The following MARCHF8 variants were observed in gnomAD, a reference collection of about 807,000 sequenced individuals.
The protein encoded by MARCHF8 is membrane associated ring-CH-type finger 8, also known as E3 ubiquitin-protein ligase MARCHF8.
In MARCHF8, 40 loss-of-function variants were observed where a neutral mutation model predicts 51.6. The observed-to-expected ratio is 0.77, with a 90% CI of 0.60 to 1.01. The LOEUF is 1.01. Ranked by LOEUF, MARCHF8 falls within the 50% of genes least tolerant of loss-of-function variation. The pLI is 0.00. For synonymous variants in MARCHF8, 263 were observed against 280.3 expected, an observed-to-expected ratio of 0.94 and a Z score of 0.62; for missense variants, 685 against 708.6, an observed-to-expected ratio of 0.97 and a Z score of 0.38.
intron 1 of MARCHF8, among the ~76,000 whole-genome samples, chr10:45,569,597 A>C (rs973621162): frequency 6.6e-6 from 1 of 152,162 alleles, no homozygotes; most frequent in Non-Finnish European, 1.5e-5. Flanking sequence ...CTTGTTTTTC[A>C]AAGTATGAGA....
At chr10:45,505,855 TG>T (rs1345777844) in intron 2 of MARCHF8, among the ~76,000 whole-genome samples, 2 of 152,264 alleles carry the variant, frequency 1.3e-5, no homozygotes, top group Non-Finnish European at 2.9e-5. Context: ...TCATGCTCAC[TG>T]GGAAGAGAGC....
intron 1 of MARCHF8, among the ~76,000 whole-genome samples, chr10:45,577,625 A>G (rs2044505157): frequency 6.6e-6 from 1 of 151,584 alleles, no homozygotes; most frequent in Non-Finnish European, 1.5e-5. Context: ...CTCACCAGAG[A>G]ATGAATGCTG....
chr10:45,485,403 C>G lies in MARCHF8; in HGVS notation c.153+3964G>C, dbSNP rs148435612. 2.3e-3 allele frequency among the ~76,000 whole-genome samples: 344 copies of G among 152,296 alleles called. 2 individuals are homozygous for G. Among genetic ancestry groups the G allele is most frequent in the Non-Finnish European group, 3.8e-3 (261 of 68,018 alleles). On this transcript the variant is annotated intron_variant, in intron 3 of 7. Coordinates refer to ENST00000453424, the MANE Select transcript of MARCHF8 (RefSeq NM_001282866.2). ...ACAAATGATATCCATTAACATTGTA[C>G]TATCAATACAAAATAAGTATTGGGT...
At chr10:45,481,704 A>G (rs560601682) in intron 3 of MARCHF8, among the ~76,000 whole-genome samples, 1 of 151,810 alleles carries the variant, frequency 6.6e-6, no homozygotes, top group South Asian at 2.1e-4. Flanking sequence ...AGTTCATTAA[A>G]CCTCTTTTTC....
intron 1 of MARCHF8, among the ~76,000 whole-genome samples, chr10:45,592,391 T>C (rs1013938028): frequency 1.1e-4 from 17 of 152,130 alleles, no homozygotes; most frequent in African/African-American, 3.4e-4. Flanking sequence ...ATCAGAACAG[T>C]CCACGGCTTT....
intron 3 of MARCHF8, among the ~76,000 whole-genome samples, chr10:45,482,853 CT>C (rs1246287296): frequency 6.6e-6 from 1 of 152,182 alleles, no homozygotes; most frequent in African/African-American, 2.4e-5. Context: ...TTACTGCGAA[CT>C]GATTTTCAAC....
At chr10:45,540,326 CAA>C (rs1200757033), upstream of MARCHF8, among the ~76,000 whole-genome samples, 1 of 152,230 alleles carries the variant, frequency 6.6e-6, no homozygotes, top group East Asian at 1.9e-4. Context: ...CCACAGTAAC[CAA>C]AACAGCATGG....
At chr10:45,524,185 T>G (rs1369072144) in intron 2 of MARCHF8, among the ~76,000 whole-genome samples, 1 of 152,188 alleles carries the variant, frequency 6.6e-6, no homozygotes, top group African/African-American at 2.4e-5. Flanking sequence ...TTTTAATCTC[T>G]AGAAAAACAT....
At chr10:45,581,976 T>C (rs2044560875) in intron 1 of MARCHF8, among the ~76,000 whole-genome samples, 1 of 151,510 alleles carries the variant, frequency 6.6e-6, no homozygotes, top group East Asian at 1.9e-4. Context: ...CAAAAAAGTA[T>C]ATGAATCATC....
At chr10:45,465,974 A>G (rs10900218) in intron 3 of MARCHF8, among the ~76,000 whole-genome samples, 39,793 of 152,088 alleles carry the variant, frequency 0.26, 5,434 homozygotes, top group African/African-American at 0.33. Flanking sequence ...AACAAAATGA[A>G]AGACATCTAG....
chr10:45,499,546 T>G (rs1394135542), intron 2 of MARCHF8, among the ~76,000 whole-genome samples: 1 of 152,204 alleles, frequency 6.6e-6, no homozygotes, highest in African/African-American at 2.4e-5. Flanking sequence ...CTAGGTTTTC[T>G]TTTAAGAATT....
At chr10:45,481,120 G>C (rs1475038963) in intron 3 of MARCHF8, among the ~76,000 whole-genome samples, 1 of 152,228 alleles carries the variant, frequency 6.6e-6, no homozygotes, top group East Asian at 1.9e-4. Flanking sequence ...CTGACCCATT[G>C]GATTGTGGAC....
chr10:45,485,359 C>A (rs1321374214), intron 3 of MARCHF8, among the ~76,000 whole-genome samples: 3 of 152,138 alleles, frequency 2.0e-5, no homozygotes, highest in African/African-American at 7.2e-5. Flanking sequence ...TCATGAAATC[C>A]CTTGGTAACA....
intron 1 of MARCHF8, among the ~76,000 whole-genome samples, chr10:45,556,180 G>A (rs1589174391): frequency 6.6e-6 from 1 of 152,204 alleles, no homozygotes; most frequent in East Asian, 1.9e-4. Context: ...AGAAAATAAG[G>A]AAAACCTATA....
chr10:45,536,207 T>C (rs1052113081), upstream of MARCHF8, among the ~76,000 whole-genome samples: 10 of 152,096 alleles, frequency 6.6e-5, no homozygotes, highest in African/African-American at 2.4e-4. Context: ...TATGAATAGA[T>C]ATATCAATGG....
chr10:45,509,721 G>C (rs185097803), intron 2 of MARCHF8, among the ~76,000 whole-genome samples: 14 of 152,314 alleles, frequency 9.2e-5, no homozygotes, highest in Admixed American at 5.2e-4. Context: ...TTGCAGGTGA[G>C]TAAGAAAAGC....
chr10:45,565,104 A>G (rs1476631349), intron 1 of MARCHF8, among the ~76,000 whole-genome samples: 1 of 152,152 alleles, frequency 6.6e-6, no homozygotes, highest in East Asian at 1.9e-4. Flanking sequence ...TGAAAGCAAT[A>G]ACAACACTGT....
chr10:45,561,750 A>G (rs1021762168), intron 1 of MARCHF8, among the ~76,000 whole-genome samples: 5 of 150,784 alleles, frequency 3.3e-5, no homozygotes, highest in Admixed American at 2.0e-4. Context: ...AAATACAAAA[A>G]ATTAGCAGGG....
chr10:45,550,010 A>T (rs763068771), intron 1 of MARCHF8, among the ~76,000 whole-genome samples: 18 of 152,220 alleles, frequency 1.2e-4, no homozygotes, highest in Non-Finnish European at 2.2e-4. Context: ...AAACAAGTGA[A>T]GTCATACTGC....
Sources: allele counts gnomAD v4.1 joint callset (sites outside exome capture counted in the v4.1 genomes callset), GRCh38; gene constraint gnomAD v4.1.1; transcripts MANE v1.5; gene names NCBI Gene and HGNC (gene_info 2026-07-23, HGNC 2026-07-21).